The following PRICKLE2 variants were observed in gnomAD, a reference collection of about 807,000 sequenced individuals.
PRICKLE2 encodes prickle-like protein 2.
A neutral mutation model predicts 81.4 loss-of-function variants in PRICKLE2; 21 were observed. That is an observed-to-expected ratio of 0.26 (90% CI 0.18 to 0.37). PRICKLE2 has a LOEUF of 0.37. Ranked by LOEUF, PRICKLE2 falls within the 10% of genes least tolerant of loss-of-function variation. The probability of loss-of-function intolerance (pLI) is 1.00; values close to 1 mark genes in which losing one functional copy is unlikely to be tolerated. For synonymous variants in PRICKLE2, 456 were observed against 421.5 expected (o/e 1.08, Z -1.00); for missense variants, 940 against 1,109.0 (o/e 0.85, Z 2.16).
intron 7 of PRICKLE2, among the ~76,000 whole-genome samples, chr3:64,118,748 G>C (rs2076979348): frequency 6.6e-6 from 1 of 152,030 alleles, no homozygotes; most frequent in South Asian, 2.1e-4. Context: ...TATGGTTGCA[G>C]AGGAAAAGAA....
In PRICKLE2 at chr3:64,098,981, T is replaced by A; in HGVS notation, c.*70A>T. On this transcript the variant is annotated 3_prime_UTR_variant, in exon 8 of 8. Transcript: ENST00000638394. ...CCACCCCCAAAAGCGCTTTAACATT[T>A]AAAACAGTGCAAGTTTCTGACTTTA... The A allele has an allele frequency of 6.3e-7, 1 of 1,596,668 alleles. No homozygotes were observed. Among genetic ancestry groups the A allele is most frequent in the Non-Finnish European group, 8.6e-7 (1 of 1,165,116 alleles).
chr3:64,174,798 T>C (rs1474223436), intron 2 of PRICKLE2: 1 of 216,954 alleles, frequency 4.6e-6, no homozygotes, highest in South Asian at 8.2e-5. Flanking sequence ...ACTTTAGCCA[T>C]CTTGCTTGGA....
At chr3:64,225,652 C>A (rs979003265), upstream of PRICKLE2, among the ~76,000 whole-genome samples, 2 of 151,956 alleles carry the variant, frequency 1.3e-5, no homozygotes, top group African/African-American at 4.8e-5. Flanking sequence ...GGCCCAGCTA[C>A]GTAACCTCCA....
At chr3:64,204,327 C>T (rs1180118463) in intron 1 of PRICKLE2, among the ~76,000 whole-genome samples, 2 of 152,122 alleles carry the variant, frequency 1.3e-5, no homozygotes, top group African/African-American at 4.8e-5. Flanking sequence ...CTAGACTCTT[C>T]CATCAGTCCT....
intron 2 of PRICKLE2, among the ~76,000 whole-genome samples, chr3:64,230,918 G>A (rs917853746): frequency 1.3e-5 from 2 of 152,154 alleles, no homozygotes; most frequent in African/African-American, 4.8e-5. Context: ...AAATATAAAT[G>A]ATAAAACTGT....
At chr3:64,233,766 C>T (rs1018064406) in intron 2 of PRICKLE2, among the ~76,000 whole-genome samples, 1 of 152,142 alleles carries the variant, frequency 6.6e-6, no homozygotes, top group African/African-American at 2.4e-5. Flanking sequence ...ACAACCATCA[C>T]CACAATCTAA....
chr3:64,114,837 TAG>T (rs1247083297), intron 7 of PRICKLE2, among the ~76,000 whole-genome samples: 1 of 151,998 alleles, frequency 6.6e-6, no homozygotes, highest in Non-Finnish European at 1.5e-5. Flanking sequence ...CCAACCTAGC[TAG>T]AGAGGCCAAC....
intron 2 of PRICKLE2, among the ~76,000 whole-genome samples, chr3:64,243,771 C>T (rs937869099): frequency 3.3e-5 from 5 of 152,188 alleles, no homozygotes; most frequent in African/African-American, 1.2e-4. Context: ...GATTTAATCA[C>T]TTCATCTCAG....
chr3:64,134,440 GC>G (rs2077245866), intron 7 of PRICKLE2, among the ~76,000 whole-genome samples: 1 of 152,196 alleles, frequency 6.6e-6, no homozygotes, highest in Non-Finnish European at 1.5e-5. Flanking sequence ...TCTAGGCCAG[GC>G]TTTCTCAGTC....
At chr3:64,168,958 T>A (rs1471008880) in intron 2 of PRICKLE2, among the ~76,000 whole-genome samples, 1 of 151,978 alleles carries the variant, frequency 6.6e-6, no homozygotes, top group Non-Finnish European at 1.5e-5. Flanking sequence ...GGTAAGAGAG[T>A]TGTGGCAGAG....
In PRICKLE2 at chr3:64,147,706, A is replaced by C. The variant is rs1220836442; in HGVS notation, c.788-4T>G. ...GTCATTTGACCTTGGTCGATACCTAAAAAAATGAGAGACATTGGAGAGGCT... is the reference window on the plus strand; with the variant it reads ...GTCATTTGACCTTGGTCGATACCTACAAAAATGAGAGACATTGGAGAGGCT... On this transcript the variant is annotated splice_region_variant and splice_polypyrimidine_tract_variant and intron_variant, in intron 6 of 7. Transcript: ENST00000638394. This position sits in a 1 kb window ranked among gnomAD's most constrained non-coding sequence, Gnocchi z 5.0. The C allele has an allele frequency of 5.0e-6, 8 of 1,613,516 alleles. No individual in the cohort carries two copies. Among genetic ancestry groups the C allele is most frequent in the Non-Finnish European group, 6.8e-6 (8 of 1,179,988 alleles).
At chr3:64,179,444 CACT>C (rs949131674) in intron 2 of PRICKLE2, among the ~76,000 whole-genome samples, 2 of 152,128 alleles carry the variant, frequency 1.3e-5, no homozygotes, top group African/African-American at 2.4e-5. Flanking sequence ...GATGGCACTT[CACT>C]ATGCTTGGGG....
At chr3:64,104,160 G>A (rs554878012) in intron 7 of PRICKLE2, among the ~76,000 whole-genome samples, 6 of 152,104 alleles carry the variant, frequency 3.9e-5, no homozygotes, top group African/African-American at 7.2e-5. Flanking sequence ...GCCTCCAATC[G>A]CTTGCTTACT....
chr3:64,223,842 T>C (rs879858086), intron 1 of PRICKLE2, among the ~76,000 whole-genome samples: 1 of 152,168 alleles, frequency 6.6e-6, no homozygotes, highest in African/African-American at 2.4e-5. Flanking sequence ...AGCAGCCAAT[T>C]TGGCCTCTAG....
intron 7 of PRICKLE2, among the ~76,000 whole-genome samples, chr3:64,131,162 C>T (rs774208295): frequency 6.6e-6 from 1 of 152,196 alleles, no homozygotes; most frequent in Non-Finnish European, 1.5e-5. Context: ...AATTGTGAGC[C>T]TATTTGGCCT....
intron 2 of PRICKLE2, among the ~76,000 whole-genome samples, chr3:64,166,750 C>T (rs2077840106): frequency 6.6e-6 from 1 of 152,170 alleles, no homozygotes; most frequent in Admixed American, 6.5e-5. Flanking sequence ...CCAAATCACT[C>T]CCATATCACA....
chr3:64,164,364 A>T (rs697274), intron 2 of PRICKLE2, among the ~76,000 whole-genome samples: 132,290 of 152,124 alleles, frequency 0.87, 59,349 homozygotes, highest in Non-Finnish European at 0.97. Context: ...ATAAAAAAAA[A>T]AAAATTTGTT....
chr3:64,189,263 A>T (rs552645162), intron 2 of PRICKLE2, among the ~76,000 whole-genome samples: 1 of 152,324 alleles, frequency 6.6e-6, no homozygotes, highest in South Asian at 2.1e-4. Context: ...AAGCAGGGCC[A>T]TGCTGCTTCC....
At chr3:64,194,863 G>A (rs1458784154) in intron 2 of PRICKLE2, among the ~76,000 whole-genome samples, 1 of 152,064 alleles carries the variant, frequency 6.6e-6, no homozygotes, top group East Asian at 1.9e-4. Flanking sequence ...GCAACATAGT[G>A]AGACCCCCTT....
Sources: gnomAD v4.1 joint callset for allele counts (sites outside exome capture counted in the v4.1 genomes callset) on GRCh38, gnomAD v4.1.1 for gene constraint, Gnocchi (gnomAD v3.1) non-coding constraint, MANE v1.5 for transcripts, NCBI Gene and HGNC (gene_info 2026-07-23, HGNC 2026-07-21) for gene names.